The following HPSE2 variants were observed in gnomAD, a reference collection of about 807,000 sequenced individuals.
HPSE2 encodes the protein inactive heparanase-2.
Under a neutral mutation model 60.5 loss-of-function variants are expected in HPSE2, and 38 were observed. The observed-to-expected ratio is 0.63, with a 90% CI of 0.48 to 0.82. The LOEUF (loss-of-function observed/expected upper bound fraction) is 0.82, where lower values mean the gene tolerates loss of function less well. HPSE2 is among the 40% of genes least tolerant of loss of function. The probability of loss-of-function intolerance (pLI) is 0.00; values close to 1 mark genes in which losing one functional copy is unlikely to be tolerated. For synonymous variants in HPSE2, 295 were observed against 293.2 expected (o/e 1.01, Z -0.06); for missense variants, 713 against 740.4 (o/e 0.96, Z 0.43).
chr10:98,611,090 T>C (rs1414384747), intron 9 of HPSE2, among the ~76,000 whole-genome samples: 1 of 150,336 alleles, frequency 6.7e-6, no homozygotes, highest in Non-Finnish European at 1.5e-5. Context: ...TTTCCCAGTG[T>C]TGGGGGGGGC....
chr10:98,920,893 G>A (rs1037818874), intron 3 of HPSE2, among the ~76,000 whole-genome samples: 7 of 152,146 alleles, frequency 4.6e-5, no homozygotes, highest in Admixed American at 6.5e-5. Context: ...ACCTTCTCAG[G>A]AGAATTTGCC....
intron 3 of HPSE2, among the ~76,000 whole-genome samples, chr10:98,862,803 C>G (rs189594696): frequency 2.6e-5 from 4 of 152,256 alleles, no homozygotes; most frequent in Admixed American, 2.6e-4. Context: ...TGCTCTGTCA[C>G]CCAGGCTGGG....
At chr10:98,992,657 T>C (rs1278191676) in intron 3 of HPSE2, among the ~76,000 whole-genome samples, 1 of 152,198 alleles carries the variant, frequency 6.6e-6, no homozygotes, top group Non-Finnish European at 1.5e-5. Context: ...CAAGAAATTA[T>C]ATACAAAAAA....
At chr10:99,193,791 G>A (rs1227318815) in intron 2 of HPSE2, among the ~76,000 whole-genome samples, 1 of 151,980 alleles carries the variant, frequency 6.6e-6, no homozygotes, top group Admixed American at 6.6e-5. Context: ...ATTATAAAAA[G>A]CAAATATTAT....
At chr10:98,652,888 G>A (rs141380544) in intron 6 of HPSE2, among the ~76,000 whole-genome samples, 195 of 152,232 alleles carry the variant, frequency 1.3e-3, no homozygotes, top group African/African-American at 4.5e-3. Context: ...CAAGGAGCTA[G>A]GAGAGCTGGT....
At chr10:99,191,166 C>T (rs572559104) in intron 2 of HPSE2, among the ~76,000 whole-genome samples, 89 of 152,166 alleles carry the variant, frequency 5.8e-4, no homozygotes, top group African/African-American at 2.1e-3. Flanking sequence ...GGCTCCCAGA[C>T]AACACCTCTG....
intron 9 of HPSE2, among the ~76,000 whole-genome samples, chr10:98,563,967 C>T (rs1340025819): frequency 6.6e-6 from 1 of 152,154 alleles, no homozygotes; most frequent in African/African-American, 2.4e-5. Context: ...GTTTCTGTAA[C>T]TGTAAAATGG....
intron 3 of HPSE2, among the ~76,000 whole-genome samples, chr10:99,116,879 T>C (rs1396722055): frequency 6.6e-6 from 1 of 151,834 alleles, no homozygotes; most frequent in Non-Finnish European, 1.5e-5. Context: ...GCTCAGGAAC[T>C]GAAAGTACAA....
At chr10:98,625,554 A>T (rs1946184512) in intron 7 of HPSE2, among the ~76,000 whole-genome samples, 1 of 152,226 alleles carries the variant, frequency 6.6e-6, no homozygotes, top group Non-Finnish European at 1.5e-5. Flanking sequence ...GTATTTCCAC[A>T]TTTATCACTT....
At chr10:98,725,790 C>G (rs1218527609) in intron 4 of HPSE2, among the ~76,000 whole-genome samples, 1 of 151,778 alleles carries the variant, frequency 6.6e-6, no homozygotes, top group Non-Finnish European at 1.5e-5. Context: ...AACAAATTTG[C>G]AAGAAAAAAA....
At chr10:98,856,973 T>C (rs116788113) in intron 3 of HPSE2, among the ~76,000 whole-genome samples, 65 of 152,308 alleles carry the variant, frequency 4.3e-4, no homozygotes, top group African/African-American at 1.5e-3. Flanking sequence ...ACAATATGGA[T>C]AATATCTTCT....
chr10:98,824,996 CTG>C (rs1454249035), intron 3 of HPSE2, among the ~76,000 whole-genome samples: 16 of 152,290 alleles, frequency 1.1e-4, no homozygotes, highest in African/African-American at 3.6e-4. Context: ...CTGTCAGGCA[CTG>C]TGATAGTCAT....
At chr10:99,093,032 A>AGCC (rs1243233386) in intron 3 of HPSE2, among the ~76,000 whole-genome samples, 4 of 152,192 alleles carry the variant, frequency 2.6e-5, no homozygotes, top group Admixed American at 6.5e-5. Context: ...GTTTGAGACC[A>AGCC]GCCTGGCCAA....
At chr10:98,475,278 C>T (rs1401726712) in intron 11 of HPSE2, among the ~76,000 whole-genome samples, 3 of 151,986 alleles carry the variant, frequency 2.0e-5, no homozygotes, top group Non-Finnish European at 4.4e-5. Context: ...CCACCATGCC[C>T]GGCTAATTTT....
the HPSE2 span, among the ~76,000 whole-genome samples, chr10:99,295,756 A>C: frequency 6.6e-6 from 1 of 152,200 alleles, no homozygotes; most frequent in East Asian, 1.9e-4. Context: ...GAAAAACCTG[A>C]AACACTCCAC....
intron 3 of HPSE2, among the ~76,000 whole-genome samples, chr10:99,048,752 T>A (rs930577322): frequency 4.6e-5 from 7 of 152,178 alleles, no homozygotes; most frequent in African/African-American, 9.6e-5. Flanking sequence ...GGAAAATAGA[T>A]CATTATACAA....
At chr10:98,544,712 C>CAAAAAA (rs58604325) in intron 9 of HPSE2, among the ~76,000 whole-genome samples, 3 of 71,022 alleles carry the variant, frequency 4.2e-5, no homozygotes, top group African/African-American at 1.2e-4. Context: ...GACTCCGTCT[C>CAAAAAA]AAAAAAAAAA....
chr10:98,835,335 A>G (rs549363911), intron 3 of HPSE2, among the ~76,000 whole-genome samples: 2 of 152,226 alleles, frequency 1.3e-5, no homozygotes, highest in African/African-American at 2.4e-5. Context: ...AAAATAGCTT[A>G]TATTTGAAGA....
intron 11 of HPSE2, among the ~76,000 whole-genome samples, chr10:98,463,307 C>A (rs1283058896): frequency 6.6e-6 from 1 of 152,216 alleles, no homozygotes; most frequent in Non-Finnish European, 1.5e-5. Flanking sequence ...CGCCAGTCCC[C>A]CCTCCAACGC....
Sources: allele counts gnomAD v4.1 joint callset (sites outside exome capture counted in the v4.1 genomes callset), GRCh38; gene constraint gnomAD v4.1.1; transcripts MANE v1.5; gene names NCBI Gene and HGNC (gene_info 2026-07-23, HGNC 2026-07-21).